Variants in PDE6B observed in about 807,000 individuals in gnomAD.
The protein encoded by PDE6B is rod cGMP-specific 3',5'-cyclic phosphodiesterase subunit beta.
Under a neutral mutation model 109.0 loss-of-function variants are expected in PDE6B, and 106 were observed. The ratio of observed to expected loss-of-function variants is 0.97; its 90% confidence interval spans 0.83 to 1.14. The LOEUF (loss-of-function observed/expected upper bound fraction) is 1.14, where lower values mean the gene tolerates loss of function less well. PDE6B is among the 50% of genes most tolerant of loss of function. PDE6B has a pLI of 0.00. For synonymous variants in PDE6B, 490 were observed against 471.3 expected (o/e 1.04, Z -0.51); for missense variants, 1,193 against 1,155.6 (o/e 1.03, Z -0.47).
intron 1 of PDE6B, among the ~76,000 whole-genome samples, chr4:629,281 GC>G (rs1214462558): frequency 2.0e-5 from 3 of 152,238 alleles, no homozygotes; most frequent in African/African-American, 7.2e-5. Flanking sequence ...TGAGGGGGAA[GC>G]CACCAGCCCC....
In PDE6B at chr4:633,269, C is replaced by T. The variant is rs1443347212; in HGVS notation, c.469-1408C>T. Reference sequence around the variant, plus strand: ...AGATCCAATAAAGGGATGCTGGCTCCACTGCCCACGCTGCCACCCCTGCCA... The same window carrying T: ...AGATCCAATAAAGGGATGCTGGCTCTACTGCCCACGCTGCCACCCCTGCCA... On this transcript the variant is annotated intron_variant, in intron 1 of 21. Coordinates refer to ENST00000496514, the MANE Select transcript of PDE6B (RefSeq NM_000283.4). This position sits in a 1 kb window ranked among gnomAD's most constrained non-coding sequence, Gnocchi z 4.5. Among the ~76,000 whole-genome samples the T allele has an allele frequency of 1.3e-5, 2 of 152,160 alleles. No homozygotes were observed. The highest frequency in any genetic ancestry group is 2.4e-5 in the African/African-American group (1 of 41,436).
intron 6 of PDE6B, chr4:655,394 T>C (rs1736098190): frequency 3.5e-6 from 1 of 285,726 alleles, no homozygotes; most frequent in Middle Eastern, 1.3e-3. Flanking sequence ...CATAAGCCTA[T>C]TGGGACCCCA....
chr4:664,415 G>A (rs557060323), intron 17 of PDE6B, among the ~76,000 whole-genome samples, 194 bp downstream of exon 17: 54 of 152,308 alleles, frequency 3.5e-4, no homozygotes, highest in African/African-American at 1.2e-3. Flanking sequence ...GTGCAGAGCT[G>A]GGGAGCACAC....
chr4:634,326 G>A (rs912437199), intron 1 of PDE6B, among the ~76,000 whole-genome samples: 5 of 152,186 alleles, frequency 3.3e-5, no homozygotes, highest in East Asian at 1.9e-4. Context: ...GGGACAAGGC[G>A]AGCAGGCAGG....
chr4:631,093 C>G (rs1734361920), intron 1 of PDE6B, among the ~76,000 whole-genome samples: 1 of 152,208 alleles, frequency 6.6e-6, no homozygotes, highest in South Asian at 2.1e-4. Flanking sequence ...GAGCATTTTA[C>G]AGAGTCCTGA....
At chr4:650,552 G>A (rs563081483) in intron 3 of PDE6B, among the ~76,000 whole-genome samples, 3 of 152,340 alleles carry the variant, frequency 2.0e-5, no homozygotes, top group East Asian at 1.9e-4. Flanking sequence ...CCCCAAGCGT[G>A]GGGTCAGGGC....
rs76590730 is a variant in PDE6B, at chr4:665,355, A to T, written c.2268+26A>T. 37,519 of 1,534,016 alleles carry T rather than the reference A, an allele frequency of 0.024. 493 individuals carry two copies. The highest frequency in any genetic ancestry group is 0.03 in the Middle Eastern group (174 of 5,826). On this transcript the variant is annotated intron_variant, in intron 19 of 21. Transcript: ENST00000496514. This position sits in a 1 kb window ranked among gnomAD's most constrained non-coding sequence, Gnocchi z 4.0. ...GTGAGTGCTGCTTCTGGAACCTTCC[A>T]CTCCTGAAACGGGTGTTAGAGACCC... is the stretch of plus-strand genomic sequence containing the variant.
intron 8 of PDE6B, among the ~76,000 whole-genome samples, chr4:656,607 C>T (rs902239254): frequency 6.6e-6 from 1 of 152,180 alleles, no homozygotes; most frequent in Non-Finnish European, 1.5e-5. Flanking sequence ...AGGCCGTGAC[C>T]GCCGCCCCAC....
chr4:670,058 T>C lies in PDE6B; in HGVS notation c.2516T>C (p.Ile839Thr). The C allele has an allele frequency of 6.2e-7, 1 of 1,613,114 alleles. No individual in the cohort carries two copies. The highest frequency in any genetic ancestry group is 8.5e-7 in the Non-Finnish European group (1 of 1,179,584). Reference sequence around the variant, plus strand: ...TCTTCTCTTGCAGTAGGCACAGAAATTTGCAATGGCGGCCCAGCACCCAAG... The same window carrying C: ...TCTTCTCTTGCAGTAGGCACAGAAACTTGCAATGGCGGCCCAGCACCCAAG... ...RVAAKKVGTE[I>T]CNGGPAPKSS... The change falls in exon 22 of 22, where the codon ATT (isoleucine) becomes ACT (threonine). Residue 839 changes from isoleucine (I) to threonine (T), a missense_variant. Physicochemically the swap from Ile to Thr is moderately conservative, Grantham distance 89. Coordinates refer to ENST00000496514, the MANE Select transcript of PDE6B (RefSeq NM_000283.4).
At chr4:659,143 G>A (rs1736724628) in intron 11 of PDE6B, 126 bp downstream of exon 11, 1 of 746,546 alleles carries the variant, frequency 1.3e-6, no homozygotes, top group Non-Finnish European at 2.4e-6. Flanking sequence ...TTGGTGCTGT[G>A]TGTGTATACT....
intron 3 of PDE6B, among the ~76,000 whole-genome samples, chr4:647,826 A>G (rs1370876267): frequency 3.3e-5 from 5 of 152,018 alleles, no homozygotes; most frequent in Non-Finnish European, 7.3e-5. Context: ...TAATCCCAGC[A>G]CTTTGGGAGG....
chr4:663,957 GC>G lies in PDE6B; in HGVS notation c.2021+90del. ...GACACGGGGGCGCAGCGGCGGCACA[GC>G]CCGGGGGACGCAGCCCCGGATTCCG... On this transcript the variant is annotated intron_variant, in intron 16 of 21. Transcript: ENST00000496514. This position sits in a 1 kb window ranked among gnomAD's most constrained non-coding sequence, Gnocchi z 4.0. 2 of 1,142,516 alleles carry G rather than the reference GC, an allele frequency of 1.8e-6. No homozygotes were observed. 70.8% of individuals were successfully genotyped at this position (1,142,516 alleles called of 1,614,324 possible). A position where few individuals can be genotyped will look rare whatever the true frequency, so the allele number is the denominator to read the frequency against.
At chr4:628,817 C>G (rs1734242865) in intron 1 of PDE6B, among the ~76,000 whole-genome samples, 1 of 152,222 alleles carries the variant, frequency 6.6e-6, no homozygotes, top group Admixed American at 6.5e-5. Flanking sequence ...AGGTGCAGGG[C>G]TTCAGCTGAT....
intron 3 of PDE6B, among the ~76,000 whole-genome samples, chr4:641,373 C>A (rs1255072033): frequency 6.6e-6 from 1 of 152,204 alleles, no homozygotes; most frequent in Admixed American, 6.5e-5. Context: ...TGTATGTTAA[C>A]TTTGTATCCT....
intron 1 of PDE6B, among the ~76,000 whole-genome samples, chr4:629,288 GC>G (rs1265786910): frequency 6.6e-6 from 1 of 152,190 alleles, no homozygotes; most frequent in African/African-American, 2.4e-5. Flanking sequence ...GAAGCCACCA[GC>G]CCCCCCATCA....
At chr4:660,974 T>TTGTTGG (rs1401026718) in intron 12 of PDE6B, among the ~76,000 whole-genome samples, 1 of 151,346 alleles carries the variant, frequency 6.6e-6, no homozygotes, top group Non-Finnish European at 1.5e-5. Flanking sequence ...GGTAGTTGGA[T>TTGTTGG]AGTTGGATAA....
rs896020523 is a variant in PDE6B at position 667,993 on chromosome 4, G to A, written c.2490G>A (p.Val830=). The A allele has an allele frequency of 7.4e-6, 12 of 1,612,194 alleles. No homozygotes were observed. The highest frequency in any genetic ancestry group is 1.0e-5 in the Non-Finnish European group (12 of 1,179,596). Residue 830 remains valine (V), a synonymous_variant, in exon 21 of 22, where the codon GTG becomes GTA. Coordinates refer to ENST00000496514, the MANE Select transcript of PDE6B (RefSeq NM_000283.4). Reference sequence around the variant, plus strand: ...AGGAGAAGGAGGAGGAGGAGAGGGTGGCAGCCAAGAAAGGTCTGGCTCTGT... The same window carrying A: ...AGGAGAAGGAGGAGGAGGAGAGGGTAGCAGCCAAGAAAGGTCTGGCTCTGT... ...ALEEKEEEER[V]AAKKVGTEIC...
chr4:668,056 G>T lies in PDE6B; in HGVS notation c.2503+50G>T, dbSNP rs758228249. On this transcript the variant is annotated intron_variant, in intron 21 of 21. Coordinates refer to ENST00000496514, the MANE Select transcript of PDE6B (RefSeq NM_000283.4). ...GCAGGGACTCGGTGACTCTCCCAAG[G>T]CAAAATGAAAAGACAGGGCACAGAG... The T allele has an allele frequency of 4.5e-6, 7 of 1,565,824 alleles. No individual in the cohort carries two copies. In the South Asian group the frequency reaches 6.7e-5, roughly 15 times the overall value.
intron 3 of PDE6B, among the ~76,000 whole-genome samples, chr4:647,015 G>A (rs564014990): frequency 1.3e-5 from 2 of 151,740 alleles, no homozygotes; most frequent in South Asian, 2.1e-4. Flanking sequence ...CCACCACCGC[G>A]GCCCGGCTAA....
Sources: gnomAD v4.1 joint callset for allele counts (sites outside exome capture counted in the v4.1 genomes callset) on GRCh38, gnomAD v4.1.1 for gene constraint, Gnocchi (gnomAD v3.1) non-coding constraint, MANE v1.5 for transcripts, NCBI Gene and HGNC (gene_info 2026-07-23, HGNC 2026-07-21) for gene names.